Variants in TNS1 observed in about 807,000 individuals in gnomAD.
TNS1 encodes the protein tensin 1, also known as tensin-1.
A neutral mutation model predicts 168.6 loss-of-function variants in TNS1; 62 were observed. The ratio of observed to expected loss-of-function variants is 0.37; its 90% CI spans 0.30 to 0.45. The LOEUF (loss-of-function observed/expected upper bound fraction) is 0.45. Among genes scored for constraint, TNS1 ranks in the 20% least tolerant of loss-of-function variants. The pLI, the probability that TNS1 is intolerant of heterozygous loss-of-function variation, is 1.00. For synonymous variants in TNS1, 934 were observed against 933.2 expected (o/e 1.00, Z -0.02); for missense variants, 2,240 against 2,339.4 (o/e 0.96, Z 0.88).
intron 3 of TNS1, among the ~76,000 whole-genome samples, chr2:217,971,851 G>A (rs1321071615): frequency 1.3e-5 from 2 of 152,078 alleles, no homozygotes; most frequent in African/African-American, 4.8e-5. Context: ...AGATCTCAGG[G>A]GCCATTCAGC....
rs115782486 is a variant in TNS1 at position 217,932,239 on chromosome 2, G to A, written c.187-12003C>T. Among the ~76,000 whole-genome samples the A allele has an allele frequency of 5.8e-3, 887 of 152,284 alleles. 7 individuals carry two copies. Among genetic ancestry groups the A allele is most frequent in the African/African-American group, 0.019 (789 of 41,550 alleles). On this transcript the variant is annotated intron_variant, in intron 3 of 32. Coordinates refer to ENST00000682258, the MANE Select transcript of TNS1 (RefSeq NM_001387777.1). ...GAGGCCATGAGTTTCTAACTACAGGGTAAGAGGAGGGATAGAAAAAAACCT... is the reference window on the plus strand; with the variant it reads ...GAGGCCATGAGTTTCTAACTACAGGATAAGAGGAGGGATAGAAAAAAACCT...
At chr2:217,935,858 G>A (rs1956577262) in intron 3 of TNS1, among the ~76,000 whole-genome samples, 2 of 152,248 alleles carry the variant, frequency 1.3e-5, no homozygotes. Context: ...CAGGTAAGTT[G>A]TTCATAGTCA....
intron 20 of TNS1, among the ~76,000 whole-genome samples, chr2:217,835,401 T>G (rs1190738531): frequency 6.6e-6 from 1 of 152,166 alleles, no homozygotes; most frequent in Non-Finnish European, 1.5e-5. Context: ...TATAGGCCAG[T>G]ACACTCGCTC....
intron 20 of TNS1, 147 bp from the exon 21 acceptor site, chr2:217,835,313 G>A: frequency 1.5e-6 from 1 of 686,276 alleles, no homozygotes; most frequent in Non-Finnish European, 2.4e-6. Flanking sequence ...CAGGGCAGGA[G>A]ACAGGTCCTG....
rs936651143 is a variant in TNS1 at position 217,848,015 on chromosome 2, G to A, written c.2502C>T (p.Ile834=). The A allele has an allele frequency of 1.6e-5, 25 of 1,518,878 alleles. No individual in the cohort carries two copies. The highest frequency in any genetic ancestry group is 4.3e-5 in the Admixed American group (2 of 46,394). 94.1% of individuals were successfully genotyped at this position (1,518,878 alleles called of 1,614,324 possible). A position where few individuals can be genotyped will look rare whatever the true frequency, so the allele number is the denominator to read the frequency against. Residue 834 remains isoleucine, a synonymous_variant, in exon 19 of 33, where the codon ATC becomes ATT. Coordinates refer to ENST00000682258, the MANE Select transcript of TNS1 (RefSeq NM_001387777.1). ...AASQQEIEQS[I]ETLNMLMLDL... The stretch of plus-strand genomic sequence containing the variant: ...CCAGCATCAGCATATTGAGTGTTTC[G>A]ATGGACTGTTCAATCTCCTGCTGGG...
In TNS1 at chr2:217,893,434, C is replaced by A; in HGVS notation, c.717+5G>T. The stretch of plus-strand genomic sequence containing the variant: ...CACACACACACACACACACACAGCT[C>A]TGACCTTGTTGTGTAGAACAACGAC... On this transcript the variant is annotated splice_donor_5th_base_variant and intron_variant, in intron 10 of 32. Coordinates refer to ENST00000682258, the MANE Select transcript of TNS1 (RefSeq NM_001387777.1). The A allele has an allele frequency of 6.3e-7, 1 of 1,581,458 alleles. No homozygotes were observed. The highest frequency in any genetic ancestry group is 8.6e-7 in the Non-Finnish European group (1 of 1,164,534).
At chr2:217,834,035 ACTACTAGAGAATTTTAAATTATAAATGTG>A (rs1237628181) in intron 21 of TNS1, among the ~76,000 whole-genome samples, 1 of 152,244 alleles carries the variant, frequency 6.6e-6, no homozygotes, top group Non-Finnish European at 1.5e-5. Flanking sequence ...TTTTAATGTG[ACTACTAGAGAATTTTAAATTATAAATGTG>A]CTCATAGTAT....
At chr2:217,882,197 G>A in intron 17 of TNS1, 149 bp downstream of exon 17, 1 of 606,096 alleles carries the variant, frequency 1.6e-6, no homozygotes, top group Non-Finnish European at 2.9e-6. Flanking sequence ...TTAGCTAGGG[G>A]TCCACTCTGA....
At chr2:217,893,118 G>T (rs1421728859) in intron 10 of TNS1, 106 bp from the exon 11 acceptor site, 2 of 1,405,998 alleles carry the variant, frequency 1.4e-6, no homozygotes, top group Non-Finnish European at 2.0e-6. Context: ...GGAGAGAGGG[G>T]TGTGGATTTA....
In TNS1 at chr2:217,891,040, T is replaced by C; in HGVS notation, c.788A>G (p.Asp263Gly). The C allele has an allele frequency of 6.2e-7, 1 of 1,614,038 alleles. No homozygotes were observed. Among genetic ancestry groups the C allele is most frequent in the East Asian group, 2.2e-5 (1 of 44,884 alleles). The change falls in exon 12 of 33, where the codon GAC becomes GGC. Residue 263 changes from aspartate to glycine, a missense_variant. By Grantham distance (94) the Asp-to-Gly change is moderately conservative (BLOSUM62 -1). Transcript: ENST00000682258. ...CATTGCAAACCGGTCCAGAGCCTGG[T>C]CCGCACTGCAGGGAGAGACAGGTGG... ...MHYSNISASADQALDRFAMKR... is the reference protein window; with the variant it reads ...MHYSNISASAGQALDRFAMKR...
At position 217,924,297 on chromosome 2, in the gene TNS1, T is replaced by C. The variant is rs183654776; in HGVS notation, c.187-4061A>G. 9.5e-4 allele frequency among the ~76,000 whole-genome samples: 143 copies of C among 150,090 alleles called. 5 individuals are homozygous for C. The East Asian group carries it at 0.026, about 28-fold the overall frequency. On this transcript the variant is annotated intron_variant, in intron 3 of 32. Transcript: ENST00000682258. Reference sequence around the variant, plus strand: ...GAGACCCTCCCTAATTCCCTTATGTTTCTCTCTCTCTCTCTCTCACACACA... The same window carrying C: ...GAGACCCTCCCTAATTCCCTTATGTCTCTCTCTCTCTCTCTCTCACACACA...
At chr2:217,830,207 T>G (rs112546835) in intron 22 of TNS1, among the ~76,000 whole-genome samples, 191 of 152,128 alleles carry the variant, frequency 1.3e-3, no homozygotes, top group African/African-American at 4.3e-3. Flanking sequence ...GTGGGCCAAG[T>G]GTCAAGCAGG....
chr2:218,001,083 G>A (rs62182230), intron 1 of TNS1, among the ~76,000 whole-genome samples: 24,523 of 151,900 alleles, frequency 0.16, 2,243 homozygotes, highest in South Asian at 0.22. Context: ...GACCCAGGAG[G>A]TAGAGGTTAT....
chr2:217,958,687 G>A (rs973484635), intron 3 of TNS1, among the ~76,000 whole-genome samples: 4 of 152,202 alleles, frequency 2.6e-5, no homozygotes, highest in East Asian at 1.9e-4. Flanking sequence ...TGGCAGAGCC[G>A]GATGTTGAAC....
chr2:217,966,545 G>A (rs142411423), intron 3 of TNS1, among the ~76,000 whole-genome samples: 71 of 152,216 alleles, frequency 4.7e-4, no homozygotes, highest in African/African-American at 1.5e-3. Context: ...ATTTCCCAGG[G>A]CAAACACGGG....
rs548956086 is a variant in TNS1, at chr2:218,033,144, G to T, written c.156+676C>A. Among the ~76,000 whole-genome samples the T allele has an allele frequency of 6.6e-6, 1 of 152,250 alleles. No individual in the cohort carries two copies. The highest frequency in any genetic ancestry group is 6.5e-5 in the Admixed American group (1 of 15,298). ...TCCTGAGGTCACAGGGACCTAGAGAGGAGTTACCCATCCCTGGTGACCCCA... is the reference window on the plus strand; with the variant it reads ...TCCTGAGGTCACAGGGACCTAGAGATGAGTTACCCATCCCTGGTGACCCCA... On this transcript the variant is annotated intron_variant, in intron 1 of 1. Transcript: ENST00000649572. The surrounding 1 kb of genome is among the most constrained non-coding windows in gnomAD (Gnocchi z 4.3).
chr2:217,938,355 A>C (rs1405989347), intron 3 of TNS1, among the ~76,000 whole-genome samples: 1 of 152,210 alleles, frequency 6.6e-6, no homozygotes, highest in Non-Finnish European at 1.5e-5. Context: ...AGGAGACCCC[A>C]GAGAGGGCAG....
At chr2:217,852,559 C>G (rs1352986679) in intron 18 of TNS1, among the ~76,000 whole-genome samples, 1 of 152,216 alleles carries the variant, frequency 6.6e-6, no homozygotes, top group Non-Finnish European at 1.5e-5. Context: ...CACATAGGCC[C>G]CTGCAGCATC....
intron 3 of TNS1, among the ~76,000 whole-genome samples, chr2:217,957,341 G>A (rs1957390778): frequency 6.6e-6 from 1 of 152,186 alleles, no homozygotes; most frequent in Non-Finnish European, 1.5e-5. Context: ...CTCCCACTGT[G>A]TCTCTGCATA....
Sources: gnomAD v4.1 joint callset for allele counts (sites outside exome capture counted in the v4.1 genomes callset) on GRCh38, gnomAD v4.1.1 for gene constraint, Gnocchi (gnomAD v3.1) non-coding constraint, MANE v1.5 for transcripts, NCBI Gene and HGNC (gene_info 2026-07-23, HGNC 2026-07-21) for gene names.